NBEA: variants seen among roughly 807,000 people sequenced by gnomAD.
The protein encoded by NBEA is lysosomal-trafficking regulator 2.
Under a neutral mutation model 343.4 loss-of-function variants are expected in NBEA, and 44 were observed. The ratio of observed to expected loss-of-function variants is 0.13; its 90% confidence interval spans 0.10 to 0.16. The LOEUF is 0.16. NBEA is among the 10% of genes least tolerant of loss of function. NBEA has a pLI of 1.00. For missense variants in NBEA, 2,555 were observed against 3,631.3 expected, an observed-to-expected ratio of 0.70 and a Z score of 7.62; for synonymous variants, 1,175 against 1,238.7, an observed-to-expected ratio of 0.95 and a Z score of 1.08.
chr13:35,429,625 A>C (rs530676765), intron 38 of NBEA, among the ~76,000 whole-genome samples: 1 of 152,012 alleles, frequency 6.6e-6, no homozygotes, highest in Non-Finnish European at 1.5e-5. Flanking sequence ...TCTCTTTTTT[A>C]AAATCTATTT....
intron 7 of NBEA, 118 bp from the exon 8 acceptor site, chr13:35,058,599 T>A: frequency 1.2e-6 from 1 of 817,040 alleles, no homozygotes; most frequent in African/African-American, 1.8e-5. Flanking sequence ...TAATTGATGC[T>A]TTCTTCTATT....
intron 40 of NBEA, among the ~76,000 whole-genome samples, chr13:35,462,518 C>G (rs952172381): frequency 6.6e-6 from 1 of 152,164 alleles, no homozygotes; most frequent in African/African-American, 2.4e-5. Context: ...GAAGTTGAGA[C>G]TGACAAGCGC....
At chr13:35,143,879 C>G (rs1318015484) in intron 18 of NBEA, among the ~76,000 whole-genome samples, 1 of 150,426 alleles carries the variant, frequency 6.6e-6, no homozygotes, top group East Asian at 1.9e-4. Flanking sequence ...CAAAGTGAGA[C>G]CCTGTCCCCT....
chr13:35,262,094 A>G (rs2033263580), intron 34 of NBEA, among the ~76,000 whole-genome samples: 1 of 152,220 alleles, frequency 6.6e-6, no homozygotes, highest in Non-Finnish European at 1.5e-5. Context: ...GCGATCAGGT[A>G]AATGCAAATT....
intron 44 of NBEA, among the ~76,000 whole-genome samples, chr13:35,556,207 G>A (rs1340048529): frequency 6.6e-6 from 1 of 151,818 alleles, no homozygotes; most frequent in Non-Finnish European, 1.5e-5. Context: ...AAAGAAATGT[G>A]TTATACTATT....
chr13:35,475,675 G>C, intron 41 of NBEA: 1 of 1,613,800 alleles, frequency 6.2e-7, no homozygotes, highest in Non-Finnish European at 8.5e-7. Context: ...CACTTCGCTG[G>C]TGTCTGCCAC....
At chr13:35,394,805 TTTG>T (rs2042667261) in intron 38 of NBEA, among the ~76,000 whole-genome samples, 1 of 152,144 alleles carries the variant, frequency 6.6e-6, no homozygotes, top group Non-Finnish European at 1.5e-5. Context: ...CTTACTTTGT[TTTG>T]TTTTGTTTTT....
intron 41 of NBEA, among the ~76,000 whole-genome samples, chr13:35,534,517 A>G (rs1007495010): frequency 1.3e-5 from 2 of 152,172 alleles, no homozygotes; most frequent in African/African-American, 2.4e-5. Flanking sequence ...GCTGCCATCT[A>G]TTGAGGGCTA....
At chr13:35,176,945 A>G (rs2070943437) in intron 27 of NBEA, 51 bp from the exon 28 acceptor site, 7 of 1,219,756 alleles carry the variant, frequency 5.7e-6, no homozygotes, top group South Asian at 1.3e-5. Context: ...TGATACTTCT[A>G]TATATTATCT....
At chr13:35,285,154 A>G (rs2035337787) in intron 34 of NBEA, among the ~76,000 whole-genome samples, 1 of 152,066 alleles carries the variant, frequency 6.6e-6, no homozygotes, top group African/African-American at 2.4e-5. Flanking sequence ...AATAGGCTGG[A>G]CCTGGTGGCT....
At position 35,403,008 on chromosome 13, in the gene NBEA, G is replaced by A. The variant is rs141384816; in HGVS notation, c.6180-29261G>A. On this transcript the variant is annotated intron_variant, in intron 38 of 58. Coordinates refer to ENST00000379939, the MANE Select transcript of NBEA (RefSeq NM_001385012.1). ...TACTTCCACCTCACTTAGTGGAGAAGCAAAATAGGACATACATGATTTTGT... is the reference window on the plus strand; with the variant it reads ...TACTTCCACCTCACTTAGTGGAGAAACAAAATAGGACATACATGATTTTGT... Among the ~76,000 whole-genome samples, 190 of 152,090 alleles carry A rather than the reference G, an allele frequency of 1.2e-3. 2 individuals are homozygous for A. The highest frequency in any genetic ancestry group is 4.2e-3 in the African/African-American group (173 of 41,522).
chr13:35,151,457 C>T (rs1020800570), intron 18 of NBEA, among the ~76,000 whole-genome samples: 7 of 150,050 alleles, frequency 4.7e-5, no homozygotes, highest in South Asian at 4.2e-4. Flanking sequence ...GCAGGAGAAT[C>T]GCTTGAACCC....
chr13:35,058,687 T>C (rs1163081093), intron 7 of NBEA, 30 bp from the exon 8 acceptor site: 4 of 1,528,016 alleles, frequency 2.6e-6, no homozygotes, highest in Non-Finnish European at 3.6e-6. Context: ...TTAAAAATAA[T>C]GCATTTTTCT....
At chr13:35,245,716 A>G (rs985915880) in intron 34 of NBEA, among the ~76,000 whole-genome samples, 2 of 152,070 alleles carry the variant, frequency 1.3e-5, no homozygotes, top group Admixed American at 6.6e-5. Flanking sequence ...CAGCTCTTCA[A>G]ATTCTTTCCT....
intron 48 of NBEA, among the ~76,000 whole-genome samples, chr13:35,618,918 A>G (rs2037680668): frequency 6.6e-6 from 1 of 152,010 alleles, no homozygotes; most frequent in African/African-American, 2.4e-5. Flanking sequence ...TGGGCCAAGT[A>G]CAGGCTGTCT....
chr13:35,228,804 A>T (rs1229978100), intron 33 of NBEA, among the ~76,000 whole-genome samples: 2 of 152,124 alleles, frequency 1.3e-5, no homozygotes, highest in African/African-American at 4.8e-5. Context: ...AAGGGGAAAA[A>T]ATAGACTGGG....
In NBEA at chr13:35,125,737, T is replaced by C. The variant is rs74051265; in HGVS notation, c.2336+2163T>C. On this transcript the variant is annotated intron_variant, in intron 17 of 58. Transcript: ENST00000379939. ...GGAAAAAATAAGTTAAAGTAACCAG[T>C]ACATGAATAGCACTTAGCAGAAAAA... Among the ~76,000 whole-genome samples, 346 of 152,256 alleles carry C rather than the reference T, an allele frequency of 2.3e-3. 1 individual carries two copies. Among genetic ancestry groups the C allele is most frequent in the African/African-American group, 8.0e-3 (333 of 41,550 alleles).
At chr13:35,158,977 G>C in intron 21 of NBEA, 39 bp from the exon 22 acceptor site, 2 of 1,485,320 alleles carry the variant, frequency 1.3e-6, no homozygotes, top group East Asian at 2.3e-5. Flanking sequence ...TTTTTGATAT[G>C]TACAAAATGC....
At chr13:35,375,785 A>C (rs1394752249) in intron 38 of NBEA, among the ~76,000 whole-genome samples, 1 of 152,202 alleles carries the variant, frequency 6.6e-6, no homozygotes, top group Non-Finnish European at 1.5e-5. Flanking sequence ...TCTTAAATAT[A>C]ATGAGTCAGA....
Sources: gnomAD v4.1 joint callset for allele counts (sites outside exome capture counted in the v4.1 genomes callset) on GRCh38, gnomAD v4.1.1 for gene constraint, MANE v1.5 for transcripts, NCBI Gene and HGNC (gene_info 2026-07-23, HGNC 2026-07-21) for gene names.